Variants in CROCC observed in about 807,000 individuals in gnomAD.
CROCC encodes rootletin.
CROCC carries 180 observed loss-of-function variants against 245.2 expected under a neutral mutation model. The ratio of observed to expected loss-of-function variants is 0.73; its 90% CI spans 0.65 to 0.83. The LOEUF (loss-of-function observed/expected upper bound fraction) is 0.83. CROCC is among the 40% of genes least tolerant of loss of function. The probability of loss-of-function intolerance (pLI) is 0.00; values close to 1 mark genes in which losing one functional copy is unlikely to be tolerated. For missense variants in CROCC, 2,688 were observed against 2,779.4 expected (o/e 0.97, Z 0.74); for synonymous variants, 1,205 against 1,241.6 (o/e 0.97, Z 0.62).
rs1176035883 is a variant in CROCC, at chr1:16,960,952, G to C, written c.4227G>C (p.Glu1409Asp). Residue 1409 changes from glutamate (E) to aspartate (D), a missense_variant, in exon 27 of 37, where the codon GAG (glutamate) becomes GAC (aspartate). Coordinates refer to ENST00000375541, the MANE Select transcript of CROCC (RefSeq NM_014675.5). ...AELGLRLSAAEGRAQGLEAEL... is the reference protein window; with the variant it reads ...AELGLRLSAADGRAQGLEAEL... ...TGGGCCTGCGGCTGAGCGCAGCCGA[G>C]GGCCGGGCACAAGGCCTGGAGGCCG... 9 of 1,408,164 alleles carry C rather than the reference G, an allele frequency of 6.4e-6. No homozygotes were observed. The Admixed American group carries it at 9.7e-5, about 15-fold the overall frequency. The allele number at this position is 1,408,164 out of a possible 1,614,324, so 87.2% of individuals were successfully genotyped here. A position where few individuals can be genotyped will look rare whatever the true frequency, so the allele number is the denominator to read the frequency against.
chr1:16,948,226 C>A, intron 17 of CROCC, 105 bp from the exon 18 acceptor site: 1 of 1,439,744 alleles, frequency 6.9e-7, no homozygotes, highest in South Asian at 1.5e-5. Flanking sequence ...TGGGCTCAAA[C>A]CCAGGCCTTC....
intron 11 of CROCC, 106 bp from the exon 12 acceptor site, chr1:16,938,803 G>A: frequency 8.9e-7 from 1 of 1,122,940 alleles, no homozygotes; most frequent in South Asian, 1.4e-5. Flanking sequence ...GTAAGAGGCA[G>A]CATTTGGAAT....
chr1:16,926,658 A>C (rs1470085338), intron 3 of CROCC, among the ~76,000 whole-genome samples: 16 of 152,232 alleles, frequency 1.1e-4, no homozygotes, highest in African/African-American at 3.9e-4. Context: ...CAGGGCCCCC[A>C]TGGGGGTCCC....
rs6676927 is a variant in CROCC at position 16,944,961 on chromosome 1, A to G, written c.1992-501A>G. Among the ~76,000 whole-genome samples, 1,241 of 151,634 alleles carry G rather than the reference A, an allele frequency of 8.2e-3. 1 individual carries two copies. Among genetic ancestry groups the G allele is most frequent in the African/African-American group, 0.021 (849 of 40,926 alleles). ...TGTATCCTTAAAACAGGCCGGGCGC[A>G]GTGGCTCACGCCTGTAATCCCAGCA... On this transcript the variant is annotated intron_variant, in intron 14 of 36. Transcript: ENST00000375541.
chr1:16,972,549 G>A lies in CROCC; in HGVS notation c.*103G>A. 1 of 758,152 alleles carries A rather than the reference G, an allele frequency of 1.3e-6. No individual in the cohort carries two copies. The highest frequency in any genetic ancestry group is 2.1e-6 in the Non-Finnish European group (1 of 481,616). 47.0% of individuals were successfully genotyped at this position (758,152 alleles called of 1,614,324 possible). A position where few individuals can be genotyped will look rare whatever the true frequency, so the allele number is the denominator to read the frequency against. On this transcript the variant is annotated 3_prime_UTR_variant, in exon 37 of 37. Coordinates refer to ENST00000375541, the MANE Select transcript of CROCC (RefSeq NM_014675.5). ...GAGCCCGGTCCCTTGGGGGCCTCAA[G>A]CTGGGGTGGGATGAGGAGGCGCTCT...
At chr1:16,916,464 G>T (rs1213524356) in intron 1 of CROCC, among the ~76,000 whole-genome samples, 2 of 152,278 alleles carry the variant, frequency 1.3e-5, no homozygotes, top group Non-Finnish European at 2.9e-5. Context: ...CTGGGGTGGT[G>T]CCAGGTACAC....
At chr1:16,972,127 TGATG>T (rs1224191114) in intron 36 of CROCC, among the ~76,000 whole-genome samples, 1 of 152,138 alleles carries the variant, frequency 6.6e-6, no homozygotes, top group Non-Finnish European at 1.5e-5. Flanking sequence ...ACCCAAGTGA[TGATG>T]GGGATAAAGA....
At chr1:16,933,276 G>C (rs2075718196) in intron 8 of CROCC, among the ~76,000 whole-genome samples, 1 of 152,232 alleles carries the variant, frequency 6.6e-6, no homozygotes, top group Non-Finnish European at 1.5e-5. Context: ...GACCAGCCTG[G>C]CCAACATGGT....
At chr1:16,937,366 C>CA (rs1181801684) in intron 9 of CROCC, among the ~76,000 whole-genome samples, 8,534 of 142,280 alleles carry the variant, frequency 0.06, no homozygotes, top group African/African-American at 0.065. Flanking sequence ...AAAAAAAAAA[C>CA]AAAAAAAAAG....
rs2075650161 is a variant in CROCC, at chr1:16,930,552, G to T, written c.807G>T (p.Lys269Asn). 1 of 1,612,280 alleles carries T rather than the reference G, an allele frequency of 6.2e-7. No homozygotes were observed. Among genetic ancestry groups the T allele is most frequent in the South Asian group, 1.1e-5 (1 of 90,914 alleles). The change falls in exon 7 of 37, where the codon AAG becomes AAT. Residue 269 changes from lysine (K) to asparagine (N), a missense_variant. Physicochemically the swap from Lys to Asn is moderately conservative, Grantham distance 94. This residue lies in a region of CROCC where 972 missense variants were observed against 895.3 expected (regional missense o/e 1.09). Coordinates refer to ENST00000375541, the MANE Select transcript of CROCC (RefSeq NM_014675.5). Reference sequence around the variant, plus strand: ...CCAATGACTGGACACGCTGCCGCAAGGAGCTGGAGCACCGGGAGGCGGCGT... The same window carrying T: ...CCAATGACTGGACACGCTGCCGCAATGAGCTGGAGCACCGGGAGGCGGCGT... ...KVTNDWTRCRKELEHREAAWR... is the reference protein window; with the variant it reads ...KVTNDWTRCRNELEHREAAWR...
At chr1:16,959,018 CT>C (rs1334039661) in intron 26 of CROCC, among the ~76,000 whole-genome samples, 1 of 152,004 alleles carries the variant, frequency 6.6e-6, no homozygotes, top group African/African-American at 2.4e-5. Flanking sequence ...ACTGTTAGCC[CT>C]TTTTATTTAG....
rs997029972 is a variant in CROCC at position 16,954,941 on chromosome 1, A to C, written c.3465+64A>C. On this transcript the variant is annotated intron_variant, in intron 23 of 36. Transcript: ENST00000375541. This position sits in a 1 kb window ranked among gnomAD's most constrained non-coding sequence, Gnocchi z 4.4. ...AATGGCACTGTGTGCCTGGGGGCCTAGTTCCCCAGGGCCCCAGAAGAGTGT... is the reference window on the plus strand; with the variant it reads ...AATGGCACTGTGTGCCTGGGGGCCTCGTTCCCCAGGGCCCCAGAAGAGTGT... The C allele has an allele frequency of 6.9e-7, 1 of 1,449,318 alleles. No homozygotes were observed. The highest frequency in any genetic ancestry group is 9.1e-7 in the Non-Finnish European group (1 of 1,093,142). The allele number at this position is 1,449,318 out of a possible 1,614,324, so 89.8% of individuals were successfully genotyped here. A position where few individuals can be genotyped will look rare whatever the true frequency, so the allele number is the denominator to read the frequency against.
At position 16,948,424 on chromosome 1, in the gene CROCC, GAGA is replaced by G. The variant is rs765962663; in HGVS notation, c.2611_2613del (p.Lys871del). 86 of 1,571,638 alleles carry G rather than the reference GAGA, an allele frequency of 5.5e-5. No homozygotes were observed. Among genetic ancestry groups the G allele is most frequent in the East Asian group, 6.9e-5 (3 of 43,526 alleles). ...GGAGGCGCTGGAGCGAGCGGCCCGTGAGAAGGAGGCGCTAGCCAAGGAGCACGC... is the reference window on the plus strand; with the variant it reads ...GGAGGCGCTGGAGCGAGCGGCCCGTGAGGAGGCGCTAGCCAAGGAGCACGC... On this transcript the variant is annotated inframe_deletion, in exon 18 of 37. Coordinates refer to ENST00000375541, the MANE Select transcript of CROCC (RefSeq NM_014675.5).
At chr1:16,968,985 C>A (rs925420206) in intron 31 of CROCC, 131 bp from the exon 32 acceptor site, 7 of 909,228 alleles carry the variant, frequency 7.7e-6, no homozygotes, top group Non-Finnish European at 1.1e-5. Context: ...AACACTGGGT[C>A]TCAATGATGG....
intron 13 of CROCC, among the ~76,000 whole-genome samples, chr1:16,943,870 C>T (rs1330405875): frequency 1.3e-5 from 2 of 152,294 alleles, no homozygotes; most frequent in African/African-American, 4.8e-5. Flanking sequence ...ACACCAGCAC[C>T]TCCATCCACT....
rs2076153939 is a variant in CROCC, at chr1:16,951,170, A to C, written c.3006+48A>C. The C allele has an allele frequency of 7.8e-6, 11 of 1,405,350 alleles. No homozygotes were observed. In the East Asian group the frequency reaches 3.0e-4, roughly 39 times the overall value. The allele number at this position is 1,405,350 out of a possible 1,614,324, so 87.1% of individuals were successfully genotyped here. On this transcript the variant is annotated intron_variant, in intron 20 of 36. Transcript: ENST00000375541. ...GGGCAGGACTCTGAGCCAGTGTTTCATCATCGTTCTTGCTCTGCCTCGGTC... is the reference window on the plus strand; with the variant it reads ...GGGCAGGACTCTGAGCCAGTGTTTCCTCATCGTTCTTGCTCTGCCTCGGTC...
At chr1:16,968,856 CAG>C (rs1052216297) in intron 31 of CROCC, among the ~76,000 whole-genome samples, 1 of 152,156 alleles carries the variant, frequency 6.6e-6, no homozygotes, top group African/African-American at 2.4e-5. Context: ...GGAGTGAGGA[CAG>C]GGAGGAGACC....
At chr1:16,922,309 G>A (rs2075426366) in intron 1 of CROCC, among the ~76,000 whole-genome samples, 1 of 152,282 alleles carries the variant, frequency 6.6e-6, no homozygotes, top group Non-Finnish European at 1.5e-5. Context: ...GGAGAAGGGG[G>A]TCTCTACTGC....
chr1:16,918,738 G>GTTTTTTTTTTT (rs68022839), upstream of CROCC, among the ~76,000 whole-genome samples: 4 of 144,034 alleles, frequency 2.8e-5, no homozygotes, highest in Non-Finnish European at 6.1e-5. Flanking sequence ...TTAGTTTTTT[G>GTTTTTTTTTTT]TTTTTGTTTT....
Sources: gnomAD v4.1 joint callset for allele counts (sites outside exome capture counted in the v4.1 genomes callset) on GRCh38, gnomAD v4.1.1 for gene constraint, gnomAD v4.1.1 regional missense constraint, Gnocchi (gnomAD v3.1) non-coding constraint, MANE v1.5 for transcripts, NCBI Gene and HGNC (gene_info 2026-07-23, HGNC 2026-07-21) for gene names.